Variants in SCAF4 observed in about 807,000 individuals in gnomAD.
SCAF4 encodes SR-related CTD associated factor 4.
Under a neutral mutation model 129.8 loss-of-function variants are expected in SCAF4, and 25 were observed. That is an observed-to-expected ratio of 0.19 (90% confidence interval 0.14 to 0.27). SCAF4 has a LOEUF of 0.27. Ranked by LOEUF, SCAF4 falls within the 10% of genes least tolerant of loss-of-function variation. The pLI is 1.00. For missense variants in SCAF4, 1,246 were observed against 1,457.1 expected (o/e 0.86, Z 2.36); for synonymous variants, 551 against 497.7 (o/e 1.11, Z -1.43).
At chr21:31,699,783 GTT>G (rs1049580879) in intron 7 of SCAF4, among the ~76,000 whole-genome samples, 1 of 152,140 alleles carries the variant, frequency 6.6e-6, no homozygotes, top group Non-Finnish European at 1.5e-5. Flanking sequence ...GTCAAATGAT[GTT>G]TTATAAAGCC....
At chr21:31,691,087 TC>T (rs2050250086) in intron 14 of SCAF4, 134 bp from the exon 15 acceptor site, 1 of 618,410 alleles carries the variant, frequency 1.6e-6, no homozygotes, top group Non-Finnish European at 2.7e-6. Flanking sequence ...GGCTTGGATC[TC>T]ATTCAAAGCC....
chr21:31,672,506 T>G, intron 19 of SCAF4, 152 bp from the exon 20 acceptor site: 1 of 668,778 alleles, frequency 1.5e-6, no homozygotes. Context: ...GTGTGAGGCC[T>G]AGTAACAACC....
intron 1 of SCAF4, among the ~76,000 whole-genome samples, chr21:31,727,077 T>C (rs1369839223): frequency 5.3e-5 from 8 of 151,624 alleles, no homozygotes; most frequent in Admixed American, 3.9e-4. Context: ...ACTATTTTTG[T>C]ACTTTTTTTT....
In SCAF4 at chr21:31,671,636, A is replaced by G. The variant is rs1477811962; in HGVS notation, c.3207T>C (p.Arg1069=). ...RERDSRDRES[R]REKEEARGKE... is the part of the protein sequence containing the mutation. ...TTCCTCGGGCTTCTTCCTTCTCTCT[A>G]CGAGACTCTCTATCTCTAGAATCTC... is the stretch of plus-strand genomic sequence containing the variant. The change falls in exon 20 of 20, where the codon CGT becomes CGC. Residue 1069 remains arginine, a synonymous_variant. Transcript: ENST00000286835. 1 of 1,613,666 alleles carries G rather than the reference A, an allele frequency of 6.2e-7. No homozygotes were observed. The highest frequency in any genetic ancestry group is 2.2e-5 in the East Asian group (1 of 44,860).
chr21:31,716,716 T>TCATG (rs2050927860), intron 1 of SCAF4, among the ~76,000 whole-genome samples: 1 of 152,146 alleles, frequency 6.6e-6, no homozygotes, highest in Non-Finnish European at 1.5e-5. Context: ...AGGTAAGGGA[T>TCATG]CATGTACAGT....
chr21:31,705,128 TAA>T (rs1190627282), intron 3 of SCAF4, among the ~76,000 whole-genome samples: 1 of 152,164 alleles, frequency 6.6e-6, no homozygotes, highest in Non-Finnish European at 1.5e-5. Context: ...GTTAAACACC[TAA>T]ATGTCAACAG....
chr21:31,718,727 AT>A (rs1247165317), intron 1 of SCAF4, among the ~76,000 whole-genome samples: 2 of 152,222 alleles, frequency 1.3e-5, no homozygotes. Context: ...TACTCTTCAG[AT>A]TTCAAGAGAT....
In SCAF4 at chr21:31,671,941, G is replaced by C; in HGVS notation, c.2902C>G (p.Pro968Ala). Residue 968 changes from proline to alanine, a missense_variant, in exon 20 of 20, where the codon CCA becomes GCA. Transcript: ENST00000286835. ...GTTGGTGGAGGCTGTTGTGATGGTG[G>C]TGGCTGCTGCTGCTGCTGCTGCTGT... is the stretch of plus-strand genomic sequence containing the variant. ...QPQQQQQQQP[P>A]PSQQPPPTQQ... 2.5e-6 allele frequency: 4 copies of C among 1,610,286 alleles called. No homozygotes were observed. The highest frequency in any genetic ancestry group is 3.4e-6 in the Non-Finnish European group (4 of 1,176,852).
chr21:31,720,959 C>G (rs761226656), intron 1 of SCAF4, among the ~76,000 whole-genome samples: 2 of 152,180 alleles, frequency 1.3e-5, no homozygotes, highest in Non-Finnish European at 2.9e-5. Flanking sequence ...ATGATATAAC[C>G]TGACATTTCT....
intron 16 of SCAF4, among the ~76,000 whole-genome samples, chr21:31,687,573 G>A (rs542513140): frequency 2.0e-5 from 3 of 152,180 alleles, no homozygotes; most frequent in African/African-American, 7.2e-5. Context: ...ATGTTAAATG[G>A]CATTTATTAT....
intron 1 of SCAF4, among the ~76,000 whole-genome samples, chr21:31,722,537 G>C (rs2051094860): frequency 6.6e-6 from 1 of 152,098 alleles, no homozygotes; most frequent in African/African-American, 2.4e-5. Context: ...AAGCAACAAA[G>C]TACAAGGAAG....
At chr21:31,712,362 C>T (rs112566042) in intron 1 of SCAF4, among the ~76,000 whole-genome samples, 2,372 of 151,054 alleles carry the variant, frequency 0.016, 65 homozygotes, top group African/African-American at 0.055. Context: ...GGATTACAGA[C>T]GTGCACCACC....
intron 19 of SCAF4, among the ~76,000 whole-genome samples, chr21:31,674,666 G>A (rs1356764632): frequency 6.6e-6 from 1 of 152,168 alleles, no homozygotes; most frequent in Non-Finnish European, 1.5e-5. Flanking sequence ...AGGAAAGCTG[G>A]CATTAGGCAT....
chr21:31,706,849 G>GA, intron 1 of SCAF4: 1 of 248,288 alleles, frequency 4.0e-6, no homozygotes, highest in Non-Finnish European at 8.1e-6. Flanking sequence ...TGAAGCCAGA[G>GA]AAAGAAGCCA....
rs768052599 is a variant in SCAF4, at chr21:31,671,638, G to A, written c.3205C>T (p.Arg1069Cys). The change falls in exon 20 of 20, where the codon CGT (arginine) becomes TGT (cysteine). Residue 1069 changes from arginine to cysteine, a missense_variant. By Grantham distance (180) the Arg-to-Cys change is radical. Coordinates refer to ENST00000286835, the MANE Select transcript of SCAF4 (RefSeq NM_020706.2). ...RERDSRDRES[R>C]REKEEARGKE... The stretch of plus-strand genomic sequence containing the variant: ...CCTCGGGCTTCTTCCTTCTCTCTAC[G>A]AGACTCTCTATCTCTAGAATCTCTC... 6 of 1,613,928 alleles carry A rather than the reference G, an allele frequency of 3.7e-6. No homozygotes were observed. Among genetic ancestry groups the A allele is most frequent in the East Asian group, 2.2e-5 (1 of 44,860 alleles).
chr21:31,701,036 C>A lies in SCAF4; in HGVS notation c.736G>T (p.Ala246Ser), dbSNP rs775781266. The A allele has an allele frequency of 6.2e-7, 1 of 1,613,940 alleles. No homozygotes were observed. Among genetic ancestry groups the A allele is most frequent in the Non-Finnish European group, 8.5e-7 (1 of 1,180,002 alleles). ...TTCTGTTCAGGTGGGGGGAAAGCAG[C>A]TTTTTGTTCAGATGGTTGTGTAGGA... ...TTPTQPSEQK[A>S]AFPPPEQKTA... The change falls in exon 7 of 20, where the codon GCT becomes TCT. Residue 246 changes from alanine to serine, a missense_variant. Ala to Ser is a moderately conservative substitution (Grantham distance 99, BLOSUM62 1). Around this residue, in one of 6 missense-constraint regions of SCAF4, gnomAD observed 143 missense variants for 161.0 expected, o/e 0.89. Coordinates refer to ENST00000286835, the MANE Select transcript of SCAF4 (RefSeq NM_020706.2).
At chr21:31,706,023 T>TG (rs2050652736) in intron 2 of SCAF4, among the ~76,000 whole-genome samples, 4 of 152,172 alleles carry the variant, frequency 2.6e-5, no homozygotes, top group Non-Finnish European at 5.9e-5. Flanking sequence ...TGAGCTGAGA[T>TG]CGCACCACTG....
chr21:31,711,195 C>T (rs1306555255), intron 1 of SCAF4, among the ~76,000 whole-genome samples: 4 of 152,068 alleles, frequency 2.6e-5, no homozygotes, highest in Admixed American at 6.5e-5. Context: ...ATATAATTTA[C>T]GAAGAAAAAC....
intron 19 of SCAF4, among the ~76,000 whole-genome samples, chr21:31,675,379 T>C (rs1263197029): frequency 6.6e-6 from 1 of 151,826 alleles, no homozygotes; most frequent in Non-Finnish European, 1.5e-5. Context: ...CCCTCGAGAG[T>C]AGTTAGGCAC....
Sources: allele counts gnomAD v4.1 joint callset (sites outside exome capture counted in the v4.1 genomes callset), GRCh38; gene constraint gnomAD v4.1.1; regional missense constraint gnomAD v4.1.1; transcripts MANE v1.5; gene names NCBI Gene and HGNC (gene_info 2026-07-23, HGNC 2026-07-21).